STIM2: variants seen among roughly 807,000 people sequenced by gnomAD.
The protein encoded by STIM2 is stromal interaction molecule 2.
Under a neutral mutation model 85.8 loss-of-function variants are expected in STIM2, and 31 were observed. That is an observed-to-expected ratio of 0.36 (90% CI 0.27 to 0.49). The LOEUF (loss-of-function observed/expected upper bound fraction) is 0.49, where lower values mean the gene tolerates loss of function less well. Ranked by LOEUF, STIM2 falls within the 20% of genes least tolerant of loss-of-function variation. The probability of loss-of-function intolerance (pLI) is 0.98; values close to 1 mark genes in which losing one functional copy is unlikely to be tolerated. For synonymous variants in STIM2, 356 were observed against 331.1 expected (o/e 1.08, Z -0.82); for missense variants, 841 against 927.6 (o/e 0.91, Z 1.21).
intron 5 of STIM2, among the ~76,000 whole-genome samples, chr4:27,001,266 CTGTT>C (rs1728142682): frequency 6.6e-6 from 1 of 152,174 alleles, no homozygotes; most frequent in African/African-American, 2.4e-5. Context: ...CATTGTGTCT[CTGTT>C]CGAGAGAGCC....
At chr4:26,886,879 AG>A (rs948862926) in intron 1 of STIM2, among the ~76,000 whole-genome samples, 52 of 152,330 alleles carry the variant, frequency 3.4e-4, no homozygotes, top group African/African-American at 1.2e-3. Context: ...GTCTTAGAGC[AG>A]GGAGACCAAT....
rs141451347 is a variant in STIM2, at chr4:26,949,898, G to A, written c.283-7714G>A. The stretch of plus-strand genomic sequence containing the variant: ...TGCAAATATATACATAAGTTTTTAC[G>A]TTTTTGCTTTATAAAAATATTAATC... On this transcript the variant is annotated intron_variant, in intron 2 of 11. Coordinates refer to ENST00000467087, the MANE Select transcript of STIM2 (RefSeq NM_020860.4). Among the ~76,000 whole-genome samples the A allele has an allele frequency of 9.0e-4, 137 of 151,930 alleles. No individual in the cohort carries two copies. In the Middle Eastern group the frequency reaches 0.01, roughly 11 times the overall value.
At chr4:26,928,270 GA>G (rs1725060367) in intron 2 of STIM2, among the ~76,000 whole-genome samples, 3 of 152,070 alleles carry the variant, frequency 2.0e-5, no homozygotes, top group South Asian at 2.1e-4. Flanking sequence ...ATGAGTTTTG[GA>G]GGGGACAAAC....
At chr4:26,957,296 G>C (rs550417851) in intron 2 of STIM2, among the ~76,000 whole-genome samples, 1 of 152,048 alleles carries the variant, frequency 6.6e-6, no homozygotes, top group Non-Finnish European at 1.5e-5. Context: ...CACGAATACT[G>C]AACCCACAGA....
In STIM2 at chr4:26,981,981, T is replaced by TA. The variant is rs398107119; in HGVS notation, c.398-13398_398-13397insA. ...CAAATGTGTAATTCTTTTTTTTTTT[T>TA]GGTGGAGAGATACTTGAAGACTATT... On this transcript the variant is annotated intron_variant, in intron 3 of 11. Coordinates refer to ENST00000467087, the MANE Select transcript of STIM2 (RefSeq NM_020860.4). Among the ~76,000 whole-genome samples the TA allele has an allele frequency of 2.6e-4, 39 of 151,710 alleles. No individual in the cohort carries two copies. The South Asian group carries it at 8.1e-3, about 32-fold the overall frequency.
intron 3 of STIM2, among the ~76,000 whole-genome samples, chr4:26,962,542 A>C (rs1046267101): frequency 6.6e-6 from 1 of 150,602 alleles, no homozygotes; most frequent in Non-Finnish European, 1.5e-5. Context: ...ATAGAATTTC[A>C]GCAATGACTT....
chr4:26,921,280 A>G (rs1160749420), intron 2 of STIM2, among the ~76,000 whole-genome samples: 1 of 152,230 alleles, frequency 6.6e-6, no homozygotes, highest in African/African-American at 2.4e-5. Flanking sequence ...AGAGAGCATG[A>G]TTCTGTGGAC....
intron 1 of STIM2, among the ~76,000 whole-genome samples, chr4:26,878,162 T>C (rs1479992934): frequency 6.6e-6 from 1 of 152,226 alleles, no homozygotes; most frequent in Non-Finnish European, 1.5e-5. Flanking sequence ...TAGTGGATTC[T>C]TTTTTATATG....
In STIM2 at chr4:26,861,055, C is replaced by T. The variant is rs906909353; in HGVS notation, c.-164C>T. Reference sequence around the variant, plus strand: ...CCGTGTCTGAGGCGGCGGGGGCGGCCGGAGGAGTCGCCGGCGGCGGTGGTG... The same window carrying T: ...CCGTGTCTGAGGCGGCGGGGGCGGCTGGAGGAGTCGCCGGCGGCGGTGGTG... On this transcript the variant is annotated 5_prime_UTR_variant, in exon 1 of 12. Transcript: ENST00000467087. 3 of 1,169,082 alleles carry T rather than the reference C, an allele frequency of 2.6e-6. No homozygotes were observed. The highest frequency in any genetic ancestry group is 3.2e-6 in the Non-Finnish European group (3 of 947,026). The allele number at this position is 1,169,082 out of a possible 1,614,324, so 72.4% of individuals were successfully genotyped here. A position where few individuals can be genotyped will look rare whatever the true frequency, so the allele number is the denominator to read the frequency against.
chr4:26,916,963 T>TCAC (rs1405390745), intron 1 of STIM2, among the ~76,000 whole-genome samples: 1 of 152,206 alleles, frequency 6.6e-6, no homozygotes, highest in Non-Finnish European at 1.5e-5. Context: ...CTAATGCCTG[T>TCAC]CACTGCCTTG....
At chr4:26,984,743 T>C (rs1577479672) in intron 3 of STIM2, among the ~76,000 whole-genome samples, 1 of 152,316 alleles carries the variant, frequency 6.6e-6, no homozygotes, top group East Asian at 1.9e-4. Context: ...GTACACTTAG[T>C]TTCATTGATA....
intron 7 of STIM2, among the ~76,000 whole-genome samples, chr4:27,006,656 G>A (rs555771787): frequency 6.6e-6 from 1 of 152,184 alleles, no homozygotes; most frequent in African/African-American, 2.4e-5. Context: ...CTTTCCTTAT[G>A]ATACTTTTTC....
intron 1 of STIM2, among the ~76,000 whole-genome samples, chr4:26,913,803 A>G (rs1724429857): frequency 6.6e-6 from 1 of 152,232 alleles, no homozygotes; most frequent in Non-Finnish European, 1.5e-5. Flanking sequence ...TGTGTGCCAG[A>G]TACTGGTTTA....
intron 8 of STIM2, 199 bp downstream of exon 8, chr4:27,007,899 CT>C: frequency 1.4e-6 from 1 of 727,296 alleles, no homozygotes; most frequent in South Asian, 1.6e-5. Context: ...GAAGTGTATA[CT>C]TTTCAAAGTG....
intron 4 of STIM2, among the ~76,000 whole-genome samples, chr4:26,996,303 G>A (rs1484588236): frequency 2.6e-5 from 4 of 151,884 alleles, no homozygotes; most frequent in Admixed American, 6.6e-5. Flanking sequence ...GTCAAAATTT[G>A]CAATGATTCT....
intron 6 of STIM2, 27 bp from the exon 7 acceptor site, chr4:27,002,900 G>A: frequency 6.8e-7 from 1 of 1,475,570 alleles, no homozygotes; most frequent in Non-Finnish European, 8.9e-7. Context: ...TTTTTGTGAG[G>A]AATTTTTATT....
rs1174404349 is a variant in STIM2 at position 27,007,934 on chromosome 4, C to A, written c.1149+234C>A. The stretch of plus-strand genomic sequence containing the variant: ...TGACCTTAGTGATTTAAACATTATT[C>A]TTTTTTATCATTATCATAAAAGTTT... On this transcript the variant is annotated intron_variant, in intron 8 of 11. Coordinates refer to ENST00000467087, the MANE Select transcript of STIM2 (RefSeq NM_020860.4). 3 of 721,670 alleles carry A rather than the reference C, an allele frequency of 4.2e-6. No individual in the cohort carries two copies. In the East Asian group the frequency reaches 8.1e-5, roughly 19 times the overall value. The allele number at this position is 721,670 out of a possible 1,614,324, so 44.7% of individuals were successfully genotyped here. A position where few individuals can be genotyped will look rare whatever the true frequency, so the allele number is the denominator to read the frequency against.
chr4:26,861,021 G>A lies in STIM2; in HGVS notation c.-198G>A. On this transcript the variant is annotated 5_prime_UTR_variant, in exon 1 of 12. Transcript: ENST00000467087. Reference sequence around the variant, plus strand: ...TGCCGATGGGACCAGGCTGGCGCCCGGCGGGAGCCCGTGTCTGAGGCGGCG... The same window carrying A: ...TGCCGATGGGACCAGGCTGGCGCCCAGCGGGAGCCCGTGTCTGAGGCGGCG... The A allele has an allele frequency of 8.1e-7, 1 of 1,239,888 alleles. No homozygotes were observed. Among genetic ancestry groups the A allele is most frequent in the Admixed American group, 3.8e-5 (1 of 26,118 alleles). 76.8% of individuals were successfully genotyped at this position (1,239,888 alleles called of 1,614,324 possible).
intron 1 of STIM2, chr4:26,874,164 T>C: frequency 2.0e-6 from 1 of 506,258 alleles, no homozygotes; most frequent in Non-Finnish European, 3.9e-6. Flanking sequence ...TCCCCAGAGA[T>C]TGAGGTTGAT....
Sources: gnomAD v4.1 joint callset for allele counts (sites outside exome capture counted in the v4.1 genomes callset) on GRCh38, gnomAD v4.1.1 for gene constraint, MANE v1.5 for transcripts, NCBI Gene and HGNC (gene_info 2026-07-23, HGNC 2026-07-21) for gene names.